PITPNC1: variants seen among roughly 807,000 people sequenced by gnomAD.
The protein encoded by PITPNC1 is phosphatidylinositol transfer protein cytoplasmic 1.
Under a neutral mutation model 44.7 loss-of-function variants are expected in PITPNC1, and 18 were observed. The ratio of observed to expected loss-of-function variants is 0.40; its 90% CI spans 0.28 to 0.60. PITPNC1 has a LOEUF of 0.60. Ranked by LOEUF, PITPNC1 falls within the 20% of genes least tolerant of loss-of-function variation. The pLI, the probability that PITPNC1 is intolerant of heterozygous loss-of-function variation, is 0.39. For synonymous variants in PITPNC1, 141 were observed against 149.6 expected (o/e 0.94, Z 0.42); for missense variants, 290 against 418.4 (o/e 0.69, Z 2.68).
intron 2 of PITPNC1, among the ~76,000 whole-genome samples, chr17:67,538,445 C>A (rs1172986142): frequency 1.3e-5 from 2 of 152,000 alleles, no homozygotes; most frequent in Non-Finnish European, 2.9e-5. Context: ...ACAAAAAATA[C>A]AAAAATTAGC....
chr17:67,573,237 G>A (rs1269473330), intron 4 of PITPNC1, among the ~76,000 whole-genome samples: 2 of 152,124 alleles, frequency 1.3e-5, no homozygotes, highest in South Asian at 4.1e-4. Context: ...TGGAATTTGC[G>A]ATGTTGATTT....
intron 1 of PITPNC1, among the ~76,000 whole-genome samples, chr17:67,460,268 G>A (rs1014617518): frequency 6.6e-6 from 1 of 152,134 alleles, no homozygotes; most frequent in African/African-American, 2.4e-5. Flanking sequence ...AGGCATCAGG[G>A]TGTTCTCCCA....
chr17:67,472,720 G>A (rs1350343295), intron 1 of PITPNC1, among the ~76,000 whole-genome samples: 2 of 151,988 alleles, frequency 1.3e-5, no homozygotes, highest in African/African-American at 4.8e-5. Flanking sequence ...TTTGTGTTGG[G>A]CCACATTCAA....
chr17:67,481,803 A>G (rs1211745938), intron 1 of PITPNC1, among the ~76,000 whole-genome samples: 1 of 152,172 alleles, frequency 6.6e-6, no homozygotes, highest in Non-Finnish European at 1.5e-5. Context: ...AAAGGTATAA[A>G]ATGTGGACAC....
At chr17:67,386,661 C>G (rs1466527186) in intron 1 of PITPNC1, among the ~76,000 whole-genome samples, 1 of 152,120 alleles carries the variant, frequency 6.6e-6, no homozygotes, top group African/African-American at 2.4e-5. Flanking sequence ...GCAGTAATTA[C>G]TGGAAAAGTA....
chr17:67,453,486 T>G (rs2039212646), intron 1 of PITPNC1, among the ~76,000 whole-genome samples: 1 of 152,132 alleles, frequency 6.6e-6, no homozygotes, highest in Non-Finnish European at 1.5e-5. Flanking sequence ...TGGGGAATTA[T>G]TCTCATCAAT....
At chr17:67,644,919 A>T (rs2042130453) in intron 6 of PITPNC1, among the ~76,000 whole-genome samples, 1 of 152,204 alleles carries the variant, frequency 6.6e-6, no homozygotes, top group African/African-American at 2.4e-5. Context: ...TCCGGGTCCC[A>T]CCTTAGACCA....
At chr17:67,427,372 G>A (rs553915080) in intron 1 of PITPNC1, among the ~76,000 whole-genome samples, 3 of 152,078 alleles carry the variant, frequency 2.0e-5, no homozygotes, top group South Asian at 2.1e-4. Flanking sequence ...AACCACGCCC[G>A]GCTAATTTTT....
At chr17:67,474,689 TGTTGCCAAGGC>T (rs1264297185) in intron 1 of PITPNC1, among the ~76,000 whole-genome samples, 3 of 152,210 alleles carry the variant, frequency 2.0e-5, no homozygotes, top group African/African-American at 7.2e-5. Flanking sequence ...TGTCTCCCTC[TGTTGCCAAGGC>T]TGGAGTGCAG....
intron 1 of PITPNC1, among the ~76,000 whole-genome samples, chr17:67,424,799 G>A (rs2038721997): frequency 6.6e-6 from 1 of 151,944 alleles, no homozygotes. Context: ...AGGTTCAGGC[G>A]ATTCTCTTGC....
At chr17:67,527,023 C>T (rs1430196269) in intron 1 of PITPNC1, among the ~76,000 whole-genome samples, 1 of 151,982 alleles carries the variant, frequency 6.6e-6, no homozygotes, top group Non-Finnish European at 1.5e-5. Context: ...TGATGATTAC[C>T]CAAACTCTGG....
chr17:67,450,689 A>C (rs566752953), intron 1 of PITPNC1, among the ~76,000 whole-genome samples: 1 of 152,310 alleles, frequency 6.6e-6, no homozygotes, highest in African/African-American at 2.4e-5. Flanking sequence ...AGACTCCCAG[A>C]GTGCTGGGAA....
chr17:67,580,973 C>A (rs945732401), intron 5 of PITPNC1, among the ~76,000 whole-genome samples: 6 of 152,138 alleles, frequency 3.9e-5, no homozygotes, highest in South Asian at 4.1e-4. Flanking sequence ...CGCTTGAGCC[C>A]AAGAGGTCAA....
chr17:67,384,190 C>G (rs912708902), intron 1 of PITPNC1, among the ~76,000 whole-genome samples: 3 of 151,994 alleles, frequency 2.0e-5, no homozygotes, highest in Admixed American at 6.6e-5. Context: ...TAGAAACACT[C>G]CCCTCCCCTC....
chr17:67,513,898 C>T (rs1199505706), intron 1 of PITPNC1, among the ~76,000 whole-genome samples: 1 of 151,962 alleles, frequency 6.6e-6, no homozygotes, highest in Non-Finnish European at 1.5e-5. Flanking sequence ...CTCTTAACCT[C>T]TTTGGAACAT....
At chr17:67,522,063 G>A (rs1293634389) in intron 1 of PITPNC1, among the ~76,000 whole-genome samples, 1 of 152,108 alleles carries the variant, frequency 6.6e-6, no homozygotes, top group Non-Finnish European at 1.5e-5. Flanking sequence ...CAGTACTTTG[G>A]AAGGCCGAGG....
chr17:67,580,621 G>A (rs909200670), intron 5 of PITPNC1, among the ~76,000 whole-genome samples: 3 of 152,164 alleles, frequency 2.0e-5, no homozygotes, highest in African/African-American at 4.8e-5. Flanking sequence ...GATTACAAGC[G>A]TGAGCCACCA....
chr17:67,388,560 T>TC (rs1275794865), intron 1 of PITPNC1, among the ~76,000 whole-genome samples: 1 of 151,774 alleles, frequency 6.6e-6, no homozygotes, highest in African/African-American at 2.4e-5. Flanking sequence ...GACCTAGTGA[T>TC]CCACCTGTCT....
At chr17:67,448,101 A>C (rs1169602221) in intron 1 of PITPNC1, among the ~76,000 whole-genome samples, 1 of 151,880 alleles carries the variant, frequency 6.6e-6, no homozygotes, top group Non-Finnish European at 1.5e-5. Context: ...GCACACCACC[A>C]CACCAGGCTA....
Sources: allele counts gnomAD v4.1 joint callset (sites outside exome capture counted in the v4.1 genomes callset), GRCh38; gene constraint gnomAD v4.1.1; transcripts MANE v1.5; gene names NCBI Gene and HGNC (gene_info 2026-07-23, HGNC 2026-07-21).